BANP: variants seen among roughly 807,000 people sequenced by gnomAD.
BANP encodes BTG3 associated nuclear protein.
Under a neutral mutation model 68.1 loss-of-function variants are expected in BANP, and 11 were observed. The ratio of observed to expected loss-of-function variants is 0.16; its 90% confidence interval spans 0.10 to 0.27. BANP has a LOEUF of 0.27. Ranked by LOEUF, BANP falls within the 10% of genes least tolerant of loss-of-function variation. The pLI is 1.00. For missense variants in BANP, 504 were observed against 722.7 expected (o/e 0.70, Z 3.47); for synonymous variants, 329 against 303.2 (o/e 1.09, Z -0.88).
chr16:87,966,614 G>A (rs2060064518), intron 1 of BANP: 1 of 152,186 alleles, frequency 6.6e-6, no homozygotes, highest in Non-Finnish European at 1.5e-5. Context: ...TTAGGATTCA[G>A]GATTTTATGG....
intron 1 of BANP, among the ~76,000 whole-genome samples, chr16:87,961,688 C>T (rs566857702): frequency 6.6e-6 from 1 of 152,204 alleles, no homozygotes; most frequent in South Asian, 2.1e-4. Context: ...AATGTTTGTC[C>T]CCTTTGAAAC....
chr16:88,066,828 C>T (rs768535304), intron 12 of BANP, among the ~76,000 whole-genome samples: 9 of 152,140 alleles, frequency 5.9e-5, no homozygotes, highest in Non-Finnish European at 1.2e-4. Context: ...GCGGTGCGGG[C>T]GCTCCCTCTC....
At position 88,018,867 on chromosome 16, in the gene BANP, G is replaced by A. The variant is rs149410603; in HGVS notation, c.895+200G>A. Among the ~76,000 whole-genome samples the A allele has an allele frequency of 2.0e-5, 3 of 152,200 alleles. No homozygotes were observed. Among genetic ancestry groups the A allele is most frequent in the Non-Finnish European group, 2.9e-5 (2 of 68,030 alleles). Reference sequence around the variant, plus strand: ...CTGATGTGCTTATTACGCACGGCATGCCCGCACCAAAATACCTCATATACC... The same window carrying A: ...CTGATGTGCTTATTACGCACGGCATACCCGCACCAAAATACCTCATATACC... On this transcript the variant is annotated intron_variant, in intron 7 of 13. Coordinates refer to ENST00000682872, the MANE Select transcript of BANP (RefSeq NM_001386991.1). This position sits in a 1 kb window ranked among gnomAD's most constrained non-coding sequence, Gnocchi z 7.7.
intron 1 of BANP, among the ~76,000 whole-genome samples, chr16:87,955,732 G>A (rs1237225080): frequency 6.6e-6 from 1 of 151,246 alleles, no homozygotes; most frequent in Non-Finnish European, 1.5e-5. Context: ...AAACCCAGCA[G>A]ATACTGTGTG....
intron 4 of BANP, among the ~76,000 whole-genome samples, chr16:87,994,219 T>C (rs1311286909): frequency 6.6e-6 from 1 of 152,216 alleles, no homozygotes; most frequent in Non-Finnish European, 1.5e-5. Context: ...AGTGCTGACT[T>C]CTGTGGAGTC....
At chr16:87,990,273 C>G (rs1475496848) in intron 4 of BANP, among the ~76,000 whole-genome samples, 1 of 152,112 alleles carries the variant, frequency 6.6e-6, no homozygotes, top group African/African-American at 2.4e-5. Context: ...CAATTATAAA[C>G]CATAGGCTTC....
In BANP at chr16:88,006,134, C is replaced by T. The variant is rs777858600; in HGVS notation, c.524C>T (p.Pro175Leu). 2 of 1,613,948 alleles carry T rather than the reference C, an allele frequency of 1.2e-6. No homozygotes were observed. Among genetic ancestry groups the T allele is most frequent in the East Asian group, 2.2e-5 (1 of 44,858 alleles). The change falls in exon 6 of 14, where the codon CCG becomes CTG. Residue 175 changes from proline to leucine, a missense_variant. Around this residue, in one of 3 missense-constraint regions of BANP, gnomAD observed 238 missense variants for 278.9 expected, o/e 0.85. Coordinates refer to ENST00000682872, the MANE Select transcript of BANP (RefSeq NM_001386991.1). ...RRQNTIVVKVPGQEDSHHEDG... is the reference protein window; with the variant it reads ...RRQNTIVVKVLGQEDSHHEDG... ...CAGAACACCATTGTGGTGAAGGTGC[C>T]GGGCCAAGAAGACAGCCACCACGAG...
rs1284679603 is a variant in BANP at position 87,957,845 on chromosome 16, C to T, written c.-69+6330C>T. On this transcript the variant is annotated intron_variant, in intron 1 of 13. Transcript: ENST00000682872. This position sits in a 1 kb window ranked among gnomAD's most constrained non-coding sequence, Gnocchi z 4.3. ...TGCTGTCATCATGGCATGCTGCAAGCTCTGTGGGCGCTGGTGGCCAGGATG... is the reference window on the plus strand; with the variant it reads ...TGCTGTCATCATGGCATGCTGCAAGTTCTGTGGGCGCTGGTGGCCAGGATG... Among the ~76,000 whole-genome samples, 2 of 152,104 alleles carry T rather than the reference C, an allele frequency of 1.3e-5. No homozygotes were observed. The highest frequency in any genetic ancestry group is 2.9e-5 in the Non-Finnish European group (2 of 68,030).
chr16:88,067,518 C>T (rs974022795), intron 12 of BANP, among the ~76,000 whole-genome samples: 9 of 152,186 alleles, frequency 5.9e-5, no homozygotes, highest in Non-Finnish European at 1.3e-4. Context: ...ACCTGCTGCA[C>T]TGCCACCGCT....
intron 11 of BANP, among the ~76,000 whole-genome samples, chr16:88,049,691 G>A (rs550799992): frequency 3.3e-5 from 5 of 152,240 alleles, no homozygotes; most frequent in South Asian, 2.1e-4. Flanking sequence ...AGTATCTCTC[G>A]TAAACACCAC....
At chr16:87,973,610 T>C (rs993084660) in intron 1 of BANP, among the ~76,000 whole-genome samples, 1 of 151,644 alleles carries the variant, frequency 6.6e-6, no homozygotes, top group Non-Finnish European at 1.5e-5. Context: ...AAATAGAAAA[T>C]TAGCTGGGTG....
At chr16:87,996,997 T>A (rs12448626) in intron 4 of BANP, among the ~76,000 whole-genome samples, 36,483 of 152,160 alleles carry the variant, frequency 0.24, 4,853 homozygotes, top group East Asian at 0.49. Context: ...GGGGCCGCCA[T>A]GCCAGTTGCC....
At chr16:88,008,856 AAGGAG>A (rs2072101755) in intron 6 of BANP, among the ~76,000 whole-genome samples, 1 of 152,188 alleles carries the variant, frequency 6.6e-6, no homozygotes, top group Non-Finnish European at 1.5e-5. Flanking sequence ...CTTTATTTTG[AAGGAG>A]AGGTCATCAT....
In BANP at chr16:88,001,934, A is replaced by C. The variant is rs556390120; in HGVS notation, c.363-2361A>C. ...GTGCTAAAAAAAAACAAAAAAACAA[A>C]AAAAAAAAAACCTTCTGGATTGAAG... On this transcript the variant is annotated intron_variant, in intron 4 of 13. Transcript: ENST00000682872. 1.8e-3 allele frequency among the ~76,000 whole-genome samples: 270 copies of C among 152,192 alleles called. 4 individuals carry two copies. The South Asian group carries it at 0.03, about 17-fold the overall frequency.
intron 2 of BANP, among the ~76,000 whole-genome samples, chr16:87,976,196 G>T (rs1195217194): frequency 1.3e-5 from 2 of 152,346 alleles, no homozygotes; most frequent in East Asian, 3.9e-4. Flanking sequence ...GTTCCTAGAA[G>T]TAGAATTGCT....
chr16:88,067,443 C>T (rs879348903), intron 12 of BANP, among the ~76,000 whole-genome samples: 2 of 152,136 alleles, frequency 1.3e-5, no homozygotes, highest in African/African-American at 2.4e-5. Context: ...CACCCTGCTG[C>T]GTGCCCCCGC....
At chr16:87,952,111 C>G (rs1567556344) in intron 1 of BANP, 1 of 152,310 alleles carries the variant, frequency 6.6e-6, no homozygotes, top group African/African-American at 2.4e-5. Flanking sequence ...GTGCCCCCTC[C>G]CCAGCACGTT....
chr16:88,040,113 G>A (rs1399831502), intron 11 of BANP, among the ~76,000 whole-genome samples: 8 of 152,146 alleles, frequency 5.3e-5, no homozygotes, highest in Admixed American at 2.6e-4. Flanking sequence ...TCAGGGTAGC[G>A]GGCGGAATCT....
chr16:88,043,171 A>C (rs1392823373), intron 11 of BANP, among the ~76,000 whole-genome samples: 16 of 152,188 alleles, frequency 1.1e-4, no homozygotes, highest in Admixed American at 1.0e-3. Flanking sequence ...CATGCACCTA[A>C]TCTGCTGCCT....
Sources: gnomAD v4.1 joint callset for allele counts (sites outside exome capture counted in the v4.1 genomes callset) on GRCh38, gnomAD v4.1.1 for gene constraint, gnomAD v4.1.1 regional missense constraint, Gnocchi (gnomAD v3.1) non-coding constraint, MANE v1.5 for transcripts, NCBI Gene and HGNC (gene_info 2026-07-23, HGNC 2026-07-21) for gene names.